Variants in CLIP4 observed in about 807,000 individuals in gnomAD.
The protein encoded by CLIP4 is CAP-Gly domain containing linker protein family member 4.
In CLIP4, 47 loss-of-function variants were observed where a neutral mutation model predicts 73.1. The observed-to-expected ratio is 0.64, with a 90% CI of 0.51 to 0.82. CLIP4 has a LOEUF of 0.82. Among genes scored for constraint, CLIP4 ranks in the 40% least tolerant of loss-of-function variants. The pLI is 0.00. For synonymous variants in CLIP4, 306 were observed against 295.4 expected (o/e 1.04, Z -0.37); for missense variants, 874 against 852.9 (o/e 1.02, Z -0.31).
At chr2:29,180,685 T>G (rs952043663) in intron 15 of CLIP4, among the ~76,000 whole-genome samples, 2 of 152,210 alleles carry the variant, frequency 1.3e-5, no homozygotes, top group Non-Finnish European at 2.9e-5. Context: ...ACTGTCAAAA[T>G]ACTAGATTCT....
In CLIP4 at chr2:29,157,237, C is replaced by G. The variant is rs777749876; in HGVS notation, c.1289C>G (p.Ser430Cys). The G allele has an allele frequency of 8.7e-6, 14 of 1,614,104 alleles. No homozygotes were observed. The highest frequency in any genetic ancestry group is 1.1e-5 in the South Asian group (1 of 91,082). The change falls in exon 11 of 16, where the codon TCT (serine) becomes TGT (cysteine). Residue 430 changes from serine to cysteine, a missense_variant. Coordinates refer to ENST00000320081, the MANE Select transcript of CLIP4 (RefSeq NM_024692.6). ...ALLGSVSSCS[S>C]TSSLEHRQSY... ...CTTGGATCTGTCAGCAGCTGCTCCT[C>G]TACATCTTCTTTGGAACACAGACAG...
chr2:29,174,501 T>C, intron 15 of CLIP4, 56 bp downstream of exon 15: 1 of 1,581,176 alleles, frequency 6.3e-7, no homozygotes, highest in Non-Finnish European at 8.6e-7. Flanking sequence ...GATGGGATTC[T>C]GTGAAGAAAG....
chr2:29,139,668 T>G (rs1572930732), intron 6 of CLIP4, among the ~76,000 whole-genome samples: 2 of 152,264 alleles, frequency 1.3e-5, no homozygotes, highest in East Asian at 3.9e-4. Flanking sequence ...AACTAATTAT[T>G]GGTGTGTTCA....
In CLIP4 at chr2:29,140,825, A is replaced by G. The variant is rs192715384; in HGVS notation, c.649-2884A>G. Reference sequence around the variant, plus strand: ...TGGTTTTGATTTGCATTTCTCTGATAGCCAGTGATGGTGAGCATTTTTTCA... The same window carrying G: ...TGGTTTTGATTTGCATTTCTCTGATGGCCAGTGATGGTGAGCATTTTTTCA... On this transcript the variant is annotated intron_variant, in intron 6 of 15. Transcript: ENST00000320081. Among the ~76,000 whole-genome samples, 730 of 152,218 alleles carry G rather than the reference A, an allele frequency of 4.8e-3. 5 individuals carry two copies. The highest frequency in any genetic ancestry group is 0.015 in the African/African-American group (629 of 41,550).
chr2:29,155,317 A>G (rs1666849062), intron 9 of CLIP4, among the ~76,000 whole-genome samples: 1 of 152,150 alleles, frequency 6.6e-6, no homozygotes, highest in African/African-American at 2.4e-5. Flanking sequence ...AAAGAATCAA[A>G]CGTGAACACT....
chr2:29,132,196 A>T lies in CLIP4; in HGVS notation c.318A>T (p.Thr106=). The stretch of plus-strand genomic sequence containing the variant: ...ATGTGAATGATAGAGATGGATTGAC[A>T]GATATGACTCTTTTACATTATACCT... ...GCNVNDRDGL[T]DMTLLHYTCK... Residue 106 remains threonine, a synonymous_variant, in exon 4 of 16, where the codon ACA becomes ACT. Coordinates refer to ENST00000320081, the MANE Select transcript of CLIP4 (RefSeq NM_024692.6). 1 of 1,613,878 alleles carries T rather than the reference A, an allele frequency of 6.2e-7. No homozygotes were observed. The highest frequency in any genetic ancestry group is 8.5e-7 in the Non-Finnish European group (1 of 1,179,832).
At position 29,160,390 on chromosome 2, in the gene CLIP4, G is replaced by A. The variant is rs3100246; in HGVS notation, c.1457G>A (p.Arg486His). Residue 486 changes from arginine (R) to histidine (H), a missense_variant, in exon 12 of 16, where the codon CGC (arginine) becomes CAC (histidine). Coordinates refer to ENST00000320081, the MANE Select transcript of CLIP4 (RefSeq NM_024692.6). Reference protein sequence around the residue: ...ANNSRCEGELRLGERVLVVGQ... With the variant: ...ANNSRCEGELHLGERVLVVGQ... ...AATAGCCGTTGCGAGGGGGAACTCC[G>A]CCTCGGAGAGAGAGTGTTAGTGGTA... 3 of 1,614,082 alleles carry A rather than the reference G, an allele frequency of 1.9e-6. No homozygotes were observed. The highest frequency in any genetic ancestry group is 1.3e-5 in the African/African-American group (1 of 75,012).
chr2:29,153,796 A>G (rs769823162), intron 9 of CLIP4, among the ~76,000 whole-genome samples: 2 of 152,176 alleles, frequency 1.3e-5, no homozygotes, highest in South Asian at 2.1e-4. Context: ...CCCTGTGTCA[A>G]TACTGCACTC....
At chr2:29,137,202 C>T (rs1665428716) in intron 6 of CLIP4, among the ~76,000 whole-genome samples, 1 of 151,918 alleles carries the variant, frequency 6.6e-6, no homozygotes, top group Non-Finnish European at 1.5e-5. Context: ...CTTTAGGGGT[C>T]CCAGTGTCTG....
At chr2:29,120,618 A>G (rs1417702826) in intron 1 of CLIP4, among the ~76,000 whole-genome samples, 1 of 152,194 alleles carries the variant, frequency 6.6e-6, no homozygotes, top group African/African-American at 2.4e-5. Context: ...TACAAAAGAA[A>G]CTGGAAGGCT....
intron 1 of CLIP4, among the ~76,000 whole-genome samples, chr2:29,104,100 A>G (rs1668132708): frequency 6.6e-6 from 1 of 151,958 alleles, no homozygotes; most frequent in African/African-American, 2.4e-5. Context: ...TTGAGATTCT[A>G]TCTTACTTCT....
intron 2 of CLIP4, chr2:29,129,965 C>A (rs1257362288): frequency 2.1e-6 from 1 of 470,784 alleles, no homozygotes; most frequent in Non-Finnish European, 4.4e-6. Context: ...ATTAAGGATT[C>A]TTTTTTCAGC....
chr2:29,111,916 G>T (rs983994672), upstream of CLIP4, among the ~76,000 whole-genome samples: 1 of 152,118 alleles, frequency 6.6e-6, no homozygotes, highest in Non-Finnish European at 1.5e-5. Flanking sequence ...ATGTAGGTCT[G>T]CCATTTATCT....
chr2:29,136,530 TCTTG>T (rs1351658736), intron 6 of CLIP4, among the ~76,000 whole-genome samples: 1 of 152,076 alleles, frequency 6.6e-6, no homozygotes, highest in Non-Finnish European at 1.5e-5. Context: ...AAAAAGAATG[TCTTG>T]CAGAGGGGAG....
intron 2 of CLIP4, among the ~76,000 whole-genome samples, chr2:29,126,668 TG>T (rs1664626844): frequency 6.6e-6 from 1 of 152,344 alleles, no homozygotes; most frequent in South Asian, 2.1e-4. Context: ...TTTCTACCGA[TG>T]GACTTTCCTG....
chr2:29,181,170 C>T (rs114280334), intron 15 of CLIP4, among the ~76,000 whole-genome samples: 3,003 of 152,050 alleles, frequency 0.02, 44 homozygotes, highest in Middle Eastern at 0.031. Flanking sequence ...TGTATTTTTA[C>T]TATAAAGAGA....
rs1476873686 is a variant in CLIP4, at chr2:29,182,334, T to G, written c.*441T>G. 6.5e-6 allele frequency: 1 copy of G among 154,046 alleles called. No individual in the cohort carries two copies. The highest frequency in any genetic ancestry group is 1.4e-5 in the Non-Finnish European group (1 of 69,044). 9.5% of individuals were successfully genotyped at this position (154,046 alleles called of 1,614,324 possible). Reference sequence around the variant, plus strand: ...TTGGAATTTTTCTTTCTTTCTGTGCTTTATTACTAATAAGTCCAATGAGTG... The same window carrying G: ...TTGGAATTTTTCTTTCTTTCTGTGCGTTATTACTAATAAGTCCAATGAGTG... On this transcript the variant is annotated 3_prime_UTR_variant, in exon 16 of 16. Transcript: ENST00000320081.
chr2:29,169,868 G>A (rs1667892536), intron 14 of CLIP4, among the ~76,000 whole-genome samples: 1 of 151,930 alleles, frequency 6.6e-6, no homozygotes. Context: ...CTATTTAACT[G>A]CATGTTTGTG....
At chr2:29,167,744 C>T in intron 14 of CLIP4, 1 of 414,298 alleles carries the variant, frequency 2.4e-6, no homozygotes, top group Non-Finnish European at 4.3e-6. Flanking sequence ...GTACCCCATC[C>T]CATCTCATCT....
Sources: gnomAD v4.1 joint callset for allele counts (sites outside exome capture counted in the v4.1 genomes callset) on GRCh38, gnomAD v4.1.1 for gene constraint, MANE v1.5 for transcripts, NCBI Gene and HGNC (gene_info 2026-07-23, HGNC 2026-07-21) for gene names.